CRB2: variants seen among roughly 807,000 people sequenced by gnomAD.
CRB2 encodes crumbs cell polarity complex component 2.
Under a neutral mutation model 110.9 loss-of-function variants are expected in CRB2, and 85 were observed. The observed-to-expected ratio is 0.77, with a 90% confidence interval of 0.64 to 0.92. The LOEUF is 0.92. CRB2 is among the 40% of genes least tolerant of loss of function. The pLI is 0.00. For synonymous variants in CRB2, 907 were observed against 831.0 expected, an observed-to-expected ratio of 1.09 and a Z score of -1.57; for missense variants, 1,843 against 1,851.3, an observed-to-expected ratio of 1.00 and a Z score of 0.08.
chr9:123,375,006 G>A (rs535129357), intron 11 of CRB2, among the ~76,000 whole-genome samples: 6 of 152,322 alleles, frequency 3.9e-5, no homozygotes, highest in Admixed American at 1.3e-4. Flanking sequence ...CTTCACACAG[G>A]CTCCCGTCAC....
At chr9:123,374,330 C>T (rs770687404) in intron 10 of CRB2, among the ~76,000 whole-genome samples, 30 of 151,854 alleles carry the variant, frequency 2.0e-4, no homozygotes, top group Non-Finnish European at 3.4e-4. Context: ...AATGTCCAGG[C>T]GTTGTGTTTA....
chr9:123,380,282 A>G (rs761819417), downstream of CRB2: 4 of 152,538 alleles, frequency 2.6e-5, no homozygotes, highest in Non-Finnish European at 4.4e-5. Context: ...TCATCAAATC[A>G]ATAAGGTAAA....
chr9:123,367,101 G>A, intron 4 of CRB2, 71 bp from the exon 5 acceptor site: 1 of 1,465,690 alleles, frequency 6.8e-7, no homozygotes, highest in South Asian at 1.4e-5. Context: ...GCCCTCGCTA[G>A]CCTGGTCATA....
At chr9:123,354,665 A>G (rs1008886143), upstream of CRB2, among the ~76,000 whole-genome samples, 7 of 152,086 alleles carry the variant, frequency 4.6e-5, no homozygotes, top group African/African-American at 7.2e-5. Flanking sequence ...TGTATTGGAG[A>G]GGCAGGGGAT....
chr9:123,370,805 T>C lies in CRB2; in HGVS notation c.1752T>C (p.Arg584=). 7 of 1,603,052 alleles carry C rather than the reference T, an allele frequency of 4.4e-6. No homozygotes were observed. Residue 584 remains arginine, a synonymous_variant, in exon 7 of 13, where the codon CGT becomes CGC. Transcript: ENST00000373631. Reference sequence around the variant, plus strand: ...TTGCAGGCTGCCTCCAGGACGTGCGTGTGGATGGCCACCTCCTGCTGCCTG... The same window carrying C: ...TTGCAGGCTGCCTCCAGGACGTGCGCGTGGATGGCCACCTCCTGCTGCCTG... ...ATFAGCLQDV[R]VDGHLLLPED...
chr9:123,360,097 C>T (rs769358915), intron 1 of CRB2, among the ~76,000 whole-genome samples: 12 of 152,208 alleles, frequency 7.9e-5, no homozygotes, highest in Non-Finnish European at 1.2e-4. Context: ...TCGTCTCAAC[C>T]TGGGCAAAAT....
At position 123,370,236 on chromosome 9, in the gene CRB2, G is replaced by A. The variant is rs2041993837; in HGVS notation, c.1183G>A (p.Val395Met). The A allele has an allele frequency of 6.2e-7, 1 of 1,613,290 alleles. No homozygotes were observed. The highest frequency in any genetic ancestry group is 8.5e-7 in the Non-Finnish European group (1 of 1,180,016). ...PETWGGRDCS[V>M]QLTGCQGHTC... ...GACCTGGGGTGGGCGCGACTGTTCT[G>A]TGCAGCTCACTGGCTGCCAGGGCCA... is the stretch of plus-strand genomic sequence containing the variant. The change falls in exon 7 of 13, where the codon GTG (valine) becomes ATG (methionine). Residue 395 changes from valine to methionine, a missense_variant. Physicochemically the swap from Val to Met is conservative, Grantham distance 21. Transcript: ENST00000373631.
chr9:123,368,344 C>T (rs2041966326), intron 6 of CRB2, among the ~76,000 whole-genome samples: 1 of 151,946 alleles, frequency 6.6e-6, no homozygotes, highest in Non-Finnish European at 1.5e-5. Context: ...GACTCAGTGT[C>T]CCCCAGCCCT....
In CRB2 at chr9:123,356,335, T is replaced by G; in HGVS notation, c.75T>G (p.Pro25=). ...TCCTGCTACTGCTGCTCTGGGCCCC[T>G]GCCCTTTCCCTCCTGGCTGGTGAGT... The part of the protein sequence containing the change: ...ASVLLLLLWA[P]ALSLLAGTVP... Residue 25 remains proline, a synonymous_variant, in exon 1 of 13, where the codon CCT becomes CCG. Coordinates refer to ENST00000373631, the MANE Select transcript of CRB2 (RefSeq NM_173689.7). 2 of 1,544,928 alleles carry G rather than the reference T, an allele frequency of 1.3e-6. No homozygotes were observed. The highest frequency in any genetic ancestry group is 1.7e-6 in the Non-Finnish European group (2 of 1,144,238).
chr9:123,364,800 G>T lies in CRB2; in HGVS notation c.419-1117G>T, dbSNP rs1361201627. On this transcript the variant is annotated intron_variant, in intron 2 of 12. Coordinates refer to ENST00000373631, the MANE Select transcript of CRB2 (RefSeq NM_173689.7). ...TCCCTTCCTCTTCACCATCACCCTGGGAGAGCCACTCAGCTGTCGTGATTC... is the reference window on the plus strand; with the variant it reads ...TCCCTTCCTCTTCACCATCACCCTGTGAGAGCCACTCAGCTGTCGTGATTC... Among the ~76,000 whole-genome samples the T allele has an allele frequency of 3.9e-5, 6 of 152,310 alleles. No homozygotes were observed. The East Asian group carries it at 1.2e-3, about 29-fold the overall frequency.
Position 123,373,340 on chromosome 9 carries a change from C to T in CRB2, c.2809C>T (p.His937Tyr). The T allele has an allele frequency of 2.1e-6, 3 of 1,439,740 alleles. No homozygotes were observed. The highest frequency in any genetic ancestry group is 1.8e-6 in the Non-Finnish European group (2 of 1,105,254). 89.2% of individuals were successfully genotyped at this position (1,439,740 alleles called of 1,614,324 possible). A position where few individuals can be genotyped will look rare whatever the true frequency, so the allele number is the denominator to read the frequency against. ...GSLAGGVRGG[H>Y]GLPGAVLPIP... is the part of the protein sequence containing the mutation. ...GCTGGCGGGGGGCGTGCGCGGAGGCCATGGCCTGCCCGGCGCTGTGCTGCC... is the reference window on the plus strand; with the variant it reads ...GCTGGCGGGGGGCGTGCGCGGAGGCTATGGCCTGCCCGGCGCTGTGCTGCC... Residue 937 changes from histidine to tyrosine, a missense_variant, in exon 10 of 13, where the codon CAT (histidine) becomes TAT (tyrosine). Transcript: ENST00000373631.
At chr9:123,371,681 CTG>C (rs759465787) in intron 8 of CRB2, 103 bp downstream of exon 8, 2,029 of 1,518,366 alleles carry the variant, frequency 1.3e-3, no homozygotes, top group Non-Finnish European at 1.7e-3. Context: ...GATGAGGAAA[CTG>C]AGGCTCAGGA....
At chr9:123,359,477 C>T (rs1160039181) in intron 1 of CRB2, among the ~76,000 whole-genome samples, 2 of 110,408 alleles carry the variant, frequency 1.8e-5, no homozygotes, top group Non-Finnish European at 3.5e-5. Context: ...AAGAAAGGGT[C>T]TCACCCTGTT....
At position 123,372,223 on chromosome 9, in the gene CRB2, A is replaced by ACTTCCACTGTACCTGCCCTGC; in HGVS notation, c.2485_2505dup (p.Phe829_Ala835dup). The stretch of plus-strand genomic sequence containing the variant: ...GGGACTTGCCTCGTCACCTGGAATG[A>ACTTCCACTGTACCTGCCCTGC]CTTCCACTGTACCTGCCCTGCCAAT... On this transcript the variant is annotated inframe_insertion, in exon 9 of 13. Transcript: ENST00000373631. 1 of 1,614,006 alleles carries ACTTCCACTGTACCTGCCCTGC rather than the reference A, an allele frequency of 6.2e-7. No homozygotes were observed. Among genetic ancestry groups the ACTTCCACTGTACCTGCCCTGC allele is most frequent in the South Asian group, 1.1e-5 (1 of 91,082 alleles).
intron 6 of CRB2, chr9:123,368,878 G>A (rs1161728618): frequency 1.6e-6 from 2 of 1,272,470 alleles, no homozygotes; most frequent in Non-Finnish European, 2.0e-6. Flanking sequence ...CTCTCAACCT[G>A]TCTGGAGGGC....
intron 12 of CRB2, 120 bp from the exon 13 acceptor site, chr9:123,376,718 G>A (rs1442228875): frequency 2.8e-5 from 27 of 980,822 alleles, no homozygotes; most frequent in Non-Finnish European, 3.9e-5. Context: ...TCCCAGGGCA[G>A]CCTGCTCCCA....
intron 10 of CRB2, 135 bp downstream of exon 10, chr9:123,374,055 CA>C (rs2042065275): frequency 8.8e-7 from 1 of 1,131,282 alleles, no homozygotes; most frequent in Admixed American, 2.0e-5. Flanking sequence ...ATGAGGAGGA[CA>C]GTTTAATTTG....
rs2041876147 is a variant in CRB2, at chr9:123,362,189, CAGCGG to C, written c.95-672_95-668del. Reference sequence around the variant, plus strand: ...TGTGGAGAAGGGGTAGGAATGAGACCAGCGGAGCACACGATCCCTGCTTTTGAAGT... The same window carrying C: ...TGTGGAGAAGGGGTAGGAATGAGACCAGCACACGATCCCTGCTTTTGAAGT... On this transcript the variant is annotated intron_variant, in intron 1 of 12. Transcript: ENST00000373631. 3.3e-5 allele frequency among the ~76,000 whole-genome samples: 5 copies of C among 152,278 alleles called. No homozygotes were observed. The South Asian group carries it at 8.3e-4, about 25-fold the overall frequency.
intron 6 of CRB2, among the ~76,000 whole-genome samples, chr9:123,369,197 TG>T (rs919129051): frequency 3.9e-5 from 6 of 152,082 alleles, no homozygotes; most frequent in Admixed American, 3.9e-4. Context: ...ACAGCCAGTG[TG>T]GGGGCCCTGG....
Sources: gnomAD v4.1 joint callset for allele counts (sites outside exome capture counted in the v4.1 genomes callset) on GRCh38, gnomAD v4.1.1 for gene constraint, MANE v1.5 for transcripts, NCBI Gene and HGNC (gene_info 2026-07-23, HGNC 2026-07-21) for gene names.